SLC37A2: variants seen among roughly 807,000 people sequenced by gnomAD.
SLC37A2 encodes glucose-6-phosphate exchanger SLC37A2.
In SLC37A2, 59 loss-of-function variants were observed where a neutral mutation model predicts 70.7. The observed-to-expected ratio is 0.83, with a 90% confidence interval of 0.68 to 1.04. SLC37A2 has a LOEUF of 1.04. SLC37A2 is among the 50% of genes least tolerant of loss of function. The pLI is 0.00. For synonymous variants in SLC37A2, 257 were observed against 262.1 expected, an observed-to-expected ratio of 0.98 and a Z score of 0.19; for missense variants, 580 against 658.1, an observed-to-expected ratio of 0.88 and a Z score of 1.30.
chr11:125,086,396 G>GCA, intron 17 of SLC37A2: 2 of 765,878 alleles, frequency 2.6e-6, no homozygotes, highest in Non-Finnish European at 2.3e-6. Context: ...TTCAACCTCA[G>GCA]CAGAGCATGG....
At chr11:125,064,046 G>C (rs1044422376) in intron 1 of SLC37A2, among the ~76,000 whole-genome samples, 3 of 152,210 alleles carry the variant, frequency 2.0e-5, no homozygotes, top group Non-Finnish European at 2.9e-5. Context: ...GCTGCAAGGT[G>C]GGGTGGAGGG....
chr11:125,083,487 A>C lies in SLC37A2; in HGVS notation c.977-328A>C. 1 of 293,244 alleles carries C rather than the reference A, an allele frequency of 3.4e-6. No homozygotes were observed. Among genetic ancestry groups the C allele is most frequent in the East Asian group, 7.3e-5 (1 of 13,722 alleles). 18.2% of individuals were successfully genotyped at this position (293,244 alleles called of 1,614,324 possible). ...GTGAAGCAGAGAAAGGGCTGGGCTG[A>C]GCTTCAGGTTGCGCTCCAGGGGAAA... On this transcript the variant is annotated intron_variant, in intron 10 of 17. Transcript: ENST00000403796. The surrounding 1 kb of genome is among the most constrained non-coding windows in gnomAD (Gnocchi z 4.6).
chr11:125,074,435 G>C (rs1949061593), intron 1 of SLC37A2, among the ~76,000 whole-genome samples: 1 of 152,038 alleles, frequency 6.6e-6, no homozygotes, highest in African/African-American at 2.4e-5. Context: ...GGGATGCATG[G>C]GAGAGCAGCC....
At chr11:125,074,820 C>T (rs1225310318) in intron 1 of SLC37A2, among the ~76,000 whole-genome samples, 1 of 152,188 alleles carries the variant, frequency 6.6e-6, no homozygotes, top group African/African-American at 2.4e-5. Context: ...CCCAGTGGGG[C>T]CTTGGGTCCC....
intron 1 of SLC37A2, among the ~76,000 whole-genome samples, chr11:125,070,787 C>T (rs904203395): frequency 6.6e-6 from 1 of 152,214 alleles, no homozygotes; most frequent in Non-Finnish European, 1.5e-5. Context: ...CCCCACCCCT[C>T]GTGACAGCAG....
intron 17 of SLC37A2, chr11:125,087,833 T>C: frequency 3.5e-6 from 1 of 288,004 alleles, no homozygotes; most frequent in African/African-American, 2.2e-5. Context: ...GGTTTCTCCA[T>C]GTTGGTCAGG....
intron 1 of SLC37A2, among the ~76,000 whole-genome samples, chr11:125,066,436 C>G (rs1237135611): frequency 6.6e-6 from 1 of 152,172 alleles, no homozygotes; most frequent in Non-Finnish European, 1.5e-5. Flanking sequence ...ATCTCCCACT[C>G]TATTCTATAA....
In SLC37A2 at chr11:125,084,137, C is replaced by T. The variant is rs73625362; in HGVS notation, c.1040-97C>T. 8,207 of 1,373,044 alleles carry T rather than the reference C, an allele frequency of 6.0e-3. 302 individuals are homozygous for T. The African/African-American group carries it at 0.087, about 15-fold the overall frequency. The allele number at this position is 1,373,044 out of a possible 1,614,324, so 85.1% of individuals were successfully genotyped here. A position where few individuals can be genotyped will look rare whatever the true frequency, so the allele number is the denominator to read the frequency against. On this transcript the variant is annotated intron_variant, in intron 11 of 17. Coordinates refer to ENST00000403796, the MANE Select transcript of SLC37A2 (RefSeq NM_001145290.2). Reference sequence around the variant, plus strand: ...AAGCAGCTCTGCTGGTTCTTGCTGACAGGCCCAGGCCAGCACTGGGGCACA... The same window carrying T: ...AAGCAGCTCTGCTGGTTCTTGCTGATAGGCCCAGGCCAGCACTGGGGCACA...
Position 125,085,425 on chromosome 11 carries a change from A to G in SLC37A2, c.1279A>G (p.Lys427Glu). ...TCACAAGAGCCTGAAGGGCAACGCCAAAGCCCTGTCCACGGTCACGGCCAT... is the reference window on the plus strand; with the variant it reads ...TCACAAGAGCCTGAAGGGCAACGCCGAAGCCCTGTCCACGGTCACGGCCAT... Reference protein sequence around the residue: ...GTHKSLKGNAKALSTVTAIID... With the variant: ...GTHKSLKGNAEALSTVTAIID... Residue 427 changes from lysine to glutamate, a missense_variant, in exon 15 of 18, where the codon AAA becomes GAA. Transcript: ENST00000403796. 1 of 1,614,022 alleles carries G rather than the reference A, an allele frequency of 6.2e-7. No individual in the cohort carries two copies.
At chr11:125,086,331 G>A in intron 17 of SLC37A2, 2 of 1,177,902 alleles carry the variant, frequency 1.7e-6, no homozygotes, top group Non-Finnish European at 1.3e-6. Context: ...CCTCTGTCCT[G>A]CAGTATGACT....
In SLC37A2 at chr11:125,083,050, G is replaced by A. The variant is rs61912696; in HGVS notation, c.976+716G>A. ...CCTCCAAGCTCCACCAGGGCTGAGG[G>A]CCTGTCACCCAGTACTGCTGCCCTC... is the stretch of plus-strand genomic sequence containing the variant. On this transcript the variant is annotated intron_variant, in intron 10 of 17. Transcript: ENST00000403796. This position sits in a 1 kb window ranked among gnomAD's most constrained non-coding sequence, Gnocchi z 4.6. 0.22 allele frequency: 33,671 copies of A among 152,426 alleles called. 3,765 individuals carry two copies. The highest frequency in any genetic ancestry group is 0.34 in the South Asian group (1,623 of 4,826). The allele number at this position is 152,426 out of a possible 1,614,324, so 9.4% of individuals were successfully genotyped here. A position where few individuals can be genotyped will look rare whatever the true frequency, so the allele number is the denominator to read the frequency against.
At chr11:125,082,450 G>A in intron 10 of SLC37A2, 116 bp downstream of exon 10, 1 of 878,286 alleles carries the variant, frequency 1.1e-6, no homozygotes, top group South Asian at 1.4e-5. Context: ...CAGAATTCCT[G>A]CTGAACCTCT....
rs764793260 is a variant in SLC37A2, at chr11:125,081,902, T to G, written c.881T>G (p.Ile294Ser). 10 of 1,603,398 alleles carry G rather than the reference T, an allele frequency of 6.2e-6. No individual in the cohort carries two copies. The Admixed American group carries it at 1.8e-4, about 28-fold the overall frequency. ...ATCAGCTTCTTTGGGGCGCTCCGGA[T>G]CCCAGTAAGAAGTTTGTGGAATGGA... ...AAISFFGALR[I>S]PGVVEFSLCL... The change falls in exon 9 of 18, where the codon ATC becomes AGC. Residue 294 changes from isoleucine to serine, a missense_variant. Coordinates refer to ENST00000403796, the MANE Select transcript of SLC37A2 (RefSeq NM_001145290.2).
intron 5 of SLC37A2, 145 bp downstream of exon 5, chr11:125,079,392 C>T (rs1949124297): frequency 1.9e-6 from 2 of 1,057,442 alleles, no homozygotes; most frequent in African/African-American, 1.6e-5. Context: ...TACCTCCTGG[C>T]CCCACTGCCC....
chr11:125,068,377 T>C (rs754166170), intron 1 of SLC37A2, among the ~76,000 whole-genome samples: 2 of 152,240 alleles, frequency 1.3e-5, no homozygotes, highest in African/African-American at 2.4e-5. Context: ...TTTGGATTCC[T>C]ATCAAACACT....
rs1402723256 is a variant in SLC37A2 at position 125,085,766 on chromosome 11, GT to G, written c.1425+94del. ...AGGTCCAAAGCGTTGGCCATTTGGG[GT>G]TCTGGGGCAATGAGAGCAGCTGCCC... On this transcript the variant is annotated intron_variant, in intron 16 of 17. Transcript: ENST00000403796. The G allele has an allele frequency of 2.2e-5, 32 of 1,433,678 alleles. No individual in the cohort carries two copies. The Admixed American group carries it at 5.4e-4, about 24-fold the overall frequency. The allele number at this position is 1,433,678 out of a possible 1,614,324, so 88.8% of individuals were successfully genotyped here. A position where few individuals can be genotyped will look rare whatever the true frequency, so the allele number is the denominator to read the frequency against.
chr11:125,066,837 A>AT (rs1948985123), intron 1 of SLC37A2, among the ~76,000 whole-genome samples: 1 of 152,196 alleles, frequency 6.6e-6, no homozygotes, highest in Non-Finnish European at 1.5e-5. Flanking sequence ...TAAGCTTAAC[A>AT]TAAGTTCTAA....
rs1328401264 is a variant in SLC37A2 at position 125,077,471 on chromosome 11, T to C, written c.257T>C (p.Leu86Ser). ...APFDKDNYKELLGGVDNAFLI... is the reference protein window; with the variant it reads ...APFDKDNYKESLGGVDNAFLI... ...TCAGACAAGGACAACTATAAGGAGT[T>C]ACTAGGGGGCGTGGACAACGCCTTC... is the stretch of plus-strand genomic sequence containing the variant. The change falls in exon 4 of 18, where the codon TTA becomes TCA. Residue 86 changes from leucine (L) to serine (S), a missense_variant. By Grantham distance (145) the Leu-to-Ser change is moderately radical. Coordinates refer to ENST00000403796, the MANE Select transcript of SLC37A2 (RefSeq NM_001145290.2). 1.9e-6 allele frequency: 3 copies of C among 1,613,896 alleles called. No homozygotes were observed. Among genetic ancestry groups the C allele is most frequent in the Non-Finnish European group, 2.5e-6 (3 of 1,179,912 alleles).
rs3808996 is a variant in SLC37A2 at position 125,086,402 on chromosome 11, C to T, written c.1490+384C>T. ...GTAAAGACTTTCAACCTCAGCAGAG[C>T]ATGGTGCTTGGGAAGTGTTTTCCAA... On this transcript the variant is annotated intron_variant, in intron 17 of 17. Coordinates refer to ENST00000403796, the MANE Select transcript of SLC37A2 (RefSeq NM_001145290.2). 97,381 of 742,440 alleles carry T rather than the reference C, an allele frequency of 0.13. 10,033 individuals are homozygous for T. The highest frequency in any genetic ancestry group is 0.49 in the East Asian group (19,821 of 40,340). 46.0% of individuals were successfully genotyped at this position (742,440 alleles called of 1,614,324 possible).
Sources: allele counts gnomAD v4.1 joint callset (sites outside exome capture counted in the v4.1 genomes callset), GRCh38; gene constraint gnomAD v4.1.1; non-coding constraint Gnocchi (gnomAD v3.1); transcripts MANE v1.5; gene names NCBI Gene and HGNC (gene_info 2026-07-23, HGNC 2026-07-21).